COMMD1: variants seen among roughly 807,000 people sequenced by gnomAD.
The protein encoded by COMMD1 is copper metabolism domain containing 1.
A neutral mutation model predicts 17.2 loss-of-function variants in COMMD1; 10 were observed. That is an observed-to-expected ratio of 0.58 (90% CI 0.36 to 0.99). COMMD1 has a LOEUF of 0.99. Ranked by LOEUF, COMMD1 falls within the 50% of genes least tolerant of loss-of-function variation. The pLI is 0.01. For synonymous variants in COMMD1, 97 were observed against 91.6 expected, an observed-to-expected ratio of 1.06 and a Z score of -0.34; for missense variants, 270 against 231.8, an observed-to-expected ratio of 1.17 and a Z score of -1.07.
intron 1 of COMMD1, among the ~76,000 whole-genome samples, chr2:61,908,227 CTT>C (rs939199316): frequency 3.2e-4 from 43 of 135,210 alleles, no homozygotes; most frequent in African/African-American, 5.1e-4. Flanking sequence ...TTATTGAACT[CTT>C]TTTTTTTTTT....
intron 1 of COMMD1, among the ~76,000 whole-genome samples, chr2:61,963,182 A>G (rs886958449): frequency 1.2e-4 from 17 of 138,940 alleles, no homozygotes; most frequent in Non-Finnish European, 2.0e-4. Context: ...ATATATATAT[A>G]TATTATATAC....
At chr2:62,130,186 CAA>C (rs1455755967) in intron 2 of COMMD1, among the ~76,000 whole-genome samples, 2 of 146,662 alleles carry the variant, frequency 1.4e-5, no homozygotes, top group African/African-American at 2.5e-5. Context: ...AAAAAACAAA[CAA>C]GAGTCCCTTT....
chr2:62,008,782 G>T (rs200072605), intron 2 of COMMD1, among the ~76,000 whole-genome samples: 1 of 132,100 alleles, frequency 7.6e-6, no homozygotes, highest in Non-Finnish European at 1.6e-5. Context: ...TTATTTGTTT[G>T]TTTATTTATT....
At position 61,991,501 on chromosome 2, in the gene COMMD1, T is replaced by A. The variant is rs1672252033; in HGVS notation, c.181-9200T>A. Among the ~76,000 whole-genome samples, 3 of 152,214 alleles carry A rather than the reference T, an allele frequency of 2.0e-5. 1 individual carries two copies. In the South Asian group the frequency reaches 6.2e-4, roughly 32 times the overall value. The stretch of plus-strand genomic sequence containing the variant: ...AAAGTTTAGACTCTGTTGGGTCAAA[T>A]AGACTTTTTGACATAATTTCATTTC... On this transcript the variant is annotated intron_variant, in intron 1 of 2. Coordinates refer to ENST00000311832, the MANE Select transcript of COMMD1 (RefSeq NM_152516.4).
chr2:62,050,837 T>C (rs752138812), intron 2 of COMMD1, among the ~76,000 whole-genome samples: 19 of 152,178 alleles, frequency 1.2e-4, no homozygotes, highest in Non-Finnish European at 2.6e-4. Context: ...ATGAACTTTT[T>C]TTTTCTTAAA....
chr2:62,121,126 T>C (rs1272510838), intron 2 of COMMD1, among the ~76,000 whole-genome samples: 3 of 151,956 alleles, frequency 2.0e-5, no homozygotes, highest in Non-Finnish European at 4.4e-5. Context: ...TTCCAGCACT[T>C]TGGGAGGCCG....
chr2:62,019,277 A>G (rs757503085), intron 2 of COMMD1, among the ~76,000 whole-genome samples: 4 of 151,614 alleles, frequency 2.6e-5, no homozygotes, highest in Admixed American at 6.6e-5. Flanking sequence ...GGGTTCAAGC[A>G]ATTCTTCTGC....
chr2:61,908,584 C>T (rs754526413), intron 1 of COMMD1, among the ~76,000 whole-genome samples: 12 of 151,302 alleles, frequency 7.9e-5, no homozygotes, highest in Admixed American at 4.6e-4. Flanking sequence ...TTTTTTGAGA[C>T]GAGTCTCGCT....
chr2:61,998,246 C>CTTTTTTTTTTTTTTTT (rs71410912), intron 1 of COMMD1, among the ~76,000 whole-genome samples: 3 of 126,486 alleles, frequency 2.4e-5, no homozygotes, highest in Non-Finnish European at 5.0e-5. Flanking sequence ...GTTGTGCTTT[C>CTTTTTTTTTTTTTTTT]TTTTTTTTTT....
intron 2 of COMMD1, among the ~76,000 whole-genome samples, chr2:62,087,863 A>C (rs1352571310): frequency 6.6e-6 from 1 of 152,234 alleles, no homozygotes; most frequent in African/African-American, 2.4e-5. Context: ...AAGAAATTGG[A>C]GACGCTTTGC....
intron 1 of COMMD1, among the ~76,000 whole-genome samples, chr2:61,919,819 C>T (rs1412519234): frequency 6.6e-6 from 1 of 152,098 alleles, no homozygotes; most frequent in Admixed American, 6.6e-5. Context: ...ACAGCTTCTC[C>T]AATAGTTCTT....
At chr2:62,032,054 T>C (rs78065417) in intron 2 of COMMD1, among the ~76,000 whole-genome samples, 1 of 152,316 alleles carries the variant, frequency 6.6e-6, no homozygotes, top group Admixed American at 6.5e-5. Flanking sequence ...AATTTATTAT[T>C]TCCCTAGTTA....
At chr2:61,946,880 T>C (rs1321856174) in intron 1 of COMMD1, among the ~76,000 whole-genome samples, 2 of 152,216 alleles carry the variant, frequency 1.3e-5, no homozygotes, top group Non-Finnish European at 2.9e-5. Context: ...CAAAAACATA[T>C]TTTGCATTCC....
At chr2:62,001,957 C>T (rs111904242) in intron 2 of COMMD1, among the ~76,000 whole-genome samples, 1 of 151,978 alleles carries the variant, frequency 6.6e-6, no homozygotes, top group African/African-American at 2.4e-5. Context: ...CACCTGAGGT[C>T]AGGAGTTCGA....
intron 1 of COMMD1, among the ~76,000 whole-genome samples, chr2:61,926,120 A>G (rs112537202): frequency 0.12 from 18,557 of 151,766 alleles, 2,695 homozygotes; most frequent in African/African-American, 0.35. Flanking sequence ...ACAGGTCCCT[A>G]CCACCACGCC....
At chr2:62,106,586 A>G (rs1304708298) in intron 2 of COMMD1, among the ~76,000 whole-genome samples, 3 of 152,206 alleles carry the variant, frequency 2.0e-5, no homozygotes, top group African/African-American at 7.2e-5. Context: ...CAAGTATTTT[A>G]TGGTTTGGTG....
rs557862549 is a variant in COMMD1, at chr2:61,921,219, C to T, written c.180+15361C>T. Among the ~76,000 whole-genome samples, 11 of 152,170 alleles carry T rather than the reference C, an allele frequency of 7.2e-5. No individual in the cohort carries two copies. The South Asian group carries it at 2.1e-3, about 29-fold the overall frequency. ...TCCTGACCTCAAGAGATCCACCCAC[C>T]TTGGCTTCCCAAAATGCTGGGATTG... On this transcript the variant is annotated intron_variant, in intron 1 of 2. Coordinates refer to ENST00000311832, the MANE Select transcript of COMMD1 (RefSeq NM_152516.4).
At chr2:62,119,487 A>G (rs2104068915) in intron 2 of COMMD1, among the ~76,000 whole-genome samples, 1 of 152,320 alleles carries the variant, frequency 6.6e-6, no homozygotes, top group African/African-American at 2.4e-5. Context: ...AAAAAACAAA[A>G]TCCAAAACTT....
chr2:62,063,185 C>T (rs930115283), intron 2 of COMMD1, among the ~76,000 whole-genome samples: 1 of 152,066 alleles, frequency 6.6e-6, no homozygotes, highest in African/African-American at 2.4e-5. Flanking sequence ...CCACTGCACT[C>T]CAGCCTGGTG....
Sources: gnomAD v4.1 joint callset for allele counts (sites outside exome capture counted in the v4.1 genomes callset) on GRCh38, gnomAD v4.1.1 for gene constraint, MANE v1.5 for transcripts, NCBI Gene and HGNC (gene_info 2026-07-23, HGNC 2026-07-21) for gene names.